The following RTN1 variants were observed in gnomAD, a reference collection of about 807,000 sequenced individuals.
RTN1 encodes the protein reticulon 1.
A neutral mutation model predicts 65.5 loss-of-function variants in RTN1; 25 were observed. The ratio of observed to expected loss-of-function variants is 0.38; its 90% CI spans 0.28 to 0.53. RTN1 has a LOEUF of 0.53. Ranked by LOEUF, RTN1 falls within the 20% of genes least tolerant of loss-of-function variation. The pLI is 0.79. For synonymous variants in RTN1, 471 were observed against 447.6 expected (o/e 1.05, Z -0.66); for missense variants, 983 against 1,025.4 (o/e 0.96, Z 0.57).
intron 1 of RTN1, among the ~76,000 whole-genome samples, chr14:59,856,780 C>A (rs1012104433): frequency 6.6e-6 from 1 of 152,184 alleles, no homozygotes. Flanking sequence ...TCTCAATCTT[C>A]ATTCTCTATG....
intron 2 of RTN1, among the ~76,000 whole-genome samples, chr14:59,734,997 G>T (rs1451658957): frequency 6.6e-6 from 1 of 151,948 alleles, no homozygotes; most frequent in East Asian, 1.9e-4. Flanking sequence ...GAAAGACCAG[G>T]ACATCTATAA....
chr14:59,713,973 C>T (rs552250055), intron 3 of RTN1, among the ~76,000 whole-genome samples: 22 of 152,218 alleles, frequency 1.4e-4, no homozygotes, highest in South Asian at 6.2e-4. Context: ...CGGTGGGTCA[C>T]GCCTGTAATC....
intron 1 of RTN1, among the ~76,000 whole-genome samples, chr14:59,852,237 C>T (rs573016030): frequency 3.9e-4 from 60 of 152,274 alleles, no homozygotes; most frequent in Admixed American, 7.8e-4. Context: ...TATTTTGAAG[C>T]TGCATTTGCA....
intron 2 of RTN1, among the ~76,000 whole-genome samples, chr14:59,732,109 T>C (rs1329618386): frequency 6.6e-6 from 1 of 152,208 alleles, no homozygotes; most frequent in East Asian, 1.9e-4. Context: ...AGGCAGGCAT[T>C]GTTCAAGAGT....
intron 1 of RTN1, among the ~76,000 whole-genome samples, chr14:59,776,823 T>A (rs1310178195): frequency 1.3e-5 from 2 of 152,184 alleles, no homozygotes; most frequent in Non-Finnish European, 2.9e-5. Flanking sequence ...GTCCAGGCTG[T>A]GCTTTCCAAC....
chr14:59,607,698 T>A (rs1431463343), intron 3 of RTN1: 2 of 588,416 alleles, frequency 3.4e-6, no homozygotes, highest in African/African-American at 1.9e-5. Flanking sequence ...CCCTTGAGGA[T>A]AATTCACAAA....
chr14:59,658,679 A>C (rs559205502), intron 3 of RTN1, among the ~76,000 whole-genome samples: 18 of 152,226 alleles, frequency 1.2e-4, no homozygotes, highest in Non-Finnish European at 2.6e-4. Context: ...AGAAAAGTAT[A>C]GCATCAACAT....
chr14:59,668,093 G>T (rs1301803185), intron 3 of RTN1, among the ~76,000 whole-genome samples: 1 of 152,012 alleles, frequency 6.6e-6, no homozygotes, highest in Non-Finnish European at 1.5e-5. Context: ...CACAGAATTG[G>T]AAAAAACTAC....
chr14:59,793,135 A>G (rs1245824800), intron 1 of RTN1, among the ~76,000 whole-genome samples: 1 of 152,230 alleles, frequency 6.6e-6, no homozygotes, highest in East Asian at 1.9e-4. Flanking sequence ...AAGAACATAC[A>G]TCATATTCTA....
chr14:59,630,841 TG>T, intron 3 of RTN1: 1 of 1,003,804 alleles, frequency 1.0e-6, no homozygotes, highest in Non-Finnish European at 1.2e-6. Flanking sequence ...ACGCGGACAG[TG>T]GGTGGGAGGT....
At chr14:59,695,917 T>G (rs1481558489) in intron 3 of RTN1, among the ~76,000 whole-genome samples, 1 of 152,064 alleles carries the variant, frequency 6.6e-6, no homozygotes, top group Non-Finnish European at 1.5e-5. Context: ...CTGTAAACAC[T>G]ATAGAAAAAT....
intron 3 of RTN1, among the ~76,000 whole-genome samples, chr14:59,635,021 T>C (rs1410435217): frequency 6.6e-6 from 1 of 152,174 alleles, no homozygotes; most frequent in Admixed American, 6.5e-5. Flanking sequence ...TTTATCCAAA[T>C]TTGCAGTTTT....
chr14:59,853,358 C>A (rs1887544040), intron 1 of RTN1, among the ~76,000 whole-genome samples: 2 of 152,168 alleles, frequency 1.3e-5, no homozygotes, highest in South Asian at 4.1e-4. Context: ...AGCTCTAATT[C>A]TCTCCCTGTA....
At position 59,816,298 on chromosome 14, in the gene RTN1, C is replaced by T. The variant is rs1353784945; in HGVS notation, c.241+54092G>A. On this transcript the variant is annotated intron_variant, in intron 1 of 8. Coordinates refer to ENST00000267484, the MANE Select transcript of RTN1 (RefSeq NM_021136.3). This position sits in a 1 kb window ranked among gnomAD's most constrained non-coding sequence, Gnocchi z 4.3. The stretch of plus-strand genomic sequence containing the variant: ...GCTGATACAGACCTTTAGTAAAGAA[C>T]AAAATAACAATTTCCCTGGAAGCCT... 2.6e-5 allele frequency among the ~76,000 whole-genome samples: 4 copies of T among 152,032 alleles called. No homozygotes were observed. The highest frequency in any genetic ancestry group is 6.6e-5 in the Admixed American group (1 of 15,254).
chr14:59,696,426 A>G (rs1315646618), intron 3 of RTN1, among the ~76,000 whole-genome samples: 1 of 151,874 alleles, frequency 6.6e-6, no homozygotes, highest in East Asian at 1.9e-4. Context: ...GTACTTTTAT[A>G]TTCTCAGGTC....
intron 3 of RTN1, among the ~76,000 whole-genome samples, chr14:59,680,283 C>T (rs1362165737): frequency 6.6e-6 from 1 of 152,204 alleles, no homozygotes; most frequent in Non-Finnish European, 1.5e-5. Context: ...AGAGCAATCC[C>T]TCTTTCCCTC....
chr14:59,870,776 C>T lies in RTN1; in HGVS notation c.-146G>A. ...AGCGTCGCCGCCGCCTCTGCTGCAACTCCGCCGAGCCGCTGCCTGCCGCTC... is the reference window on the plus strand; with the variant it reads ...AGCGTCGCCGCCGCCTCTGCTGCAATTCCGCCGAGCCGCTGCCTGCCGCTC... On this transcript the variant is annotated 5_prime_UTR_variant, in exon 1 of 9. Coordinates refer to ENST00000267484, the MANE Select transcript of RTN1 (RefSeq NM_021136.3). The surrounding 1 kb of genome is among the most constrained non-coding windows in gnomAD (Gnocchi z 5.1). The T allele has an allele frequency of 1.2e-6, 1 of 838,936 alleles. No individual in the cohort carries two copies. The highest frequency in any genetic ancestry group is 1.6e-6 in the Non-Finnish European group (1 of 624,722). 52.0% of individuals were successfully genotyped at this position (838,936 alleles called of 1,614,324 possible). A position where few individuals can be genotyped will look rare whatever the true frequency, so the allele number is the denominator to read the frequency against.
rs758276986 is a variant in RTN1, at chr14:59,745,807, T to C, written c.916A>G (p.Ile306Val). 3 of 1,614,062 alleles carry C rather than the reference T, an allele frequency of 1.9e-6. No individual in the cohort carries two copies. Among genetic ancestry groups the C allele is most frequent in the Non-Finnish European group, 2.5e-6 (3 of 1,180,000 alleles). Residue 306 changes from isoleucine (I) to valine (V), a missense_variant, in exon 2 of 9, where the codon ATA becomes GTA. Ile to Val is a conservative substitution (Grantham distance 29). Coordinates refer to ENST00000267484, the MANE Select transcript of RTN1 (RefSeq NM_021136.3). Reference sequence around the variant, plus strand: ...GTGTCAGGACTTGGCTTTAGACATATATCTTGCTTCTCAGGGGTCTTCTCT... The same window carrying C: ...GTGTCAGGACTTGGCTTTAGACATACATCTTGCTTCTCAGGGGTCTTCTCT... ...TQEKTPEKQDICLKPSPDTVP... is the reference protein window; with the variant it reads ...TQEKTPEKQDVCLKPSPDTVP...
At chr14:59,743,913 C>T (rs935168345) in intron 2 of RTN1, among the ~76,000 whole-genome samples, 5 of 152,046 alleles carry the variant, frequency 3.3e-5, no homozygotes, top group African/African-American at 7.2e-5. Flanking sequence ...TTTTATTTTT[C>T]GTTAATTCCC....
Sources: gnomAD v4.1 joint callset for allele counts (sites outside exome capture counted in the v4.1 genomes callset) on GRCh38, gnomAD v4.1.1 for gene constraint, Gnocchi (gnomAD v3.1) non-coding constraint, MANE v1.5 for transcripts, NCBI Gene and HGNC (gene_info 2026-07-23, HGNC 2026-07-21) for gene names.